Variants in VPS41 observed in about 807,000 individuals in gnomAD.
VPS41 encodes the protein VPS41 subunit of HOPS complex.
A neutral mutation model predicts 130.9 loss-of-function variants in VPS41; 85 were observed. The observed-to-expected ratio is 0.65, with a 90% CI of 0.55 to 0.78. The LOEUF is 0.78. VPS41 is among the 30% of genes least tolerant of loss of function. The pLI, the probability that VPS41 is intolerant of heterozygous loss-of-function variation, is 0.00. For synonymous variants in VPS41, 335 were observed against 332.9 expected (o/e 1.01, Z -0.07); for missense variants, 874 against 1,018.7 (o/e 0.86, Z 1.93).
rs754268846 is a variant in VPS41 at position 38,796,729 on chromosome 7, G to C, written c.570+16C>G. ...CCACTGAACAAGCATTAGGAAGACA[G>C]AGGCATATTTTTTACCATATTATTG... On this transcript the variant is annotated intron_variant, in intron 8 of 28. Transcript: ENST00000310301. The C allele has an allele frequency of 1.2e-6, 2 of 1,613,488 alleles. No homozygotes were observed. The highest frequency in any genetic ancestry group is 1.7e-6 in the Non-Finnish European group (2 of 1,179,610).
intron 4 of VPS41, among the ~76,000 whole-genome samples, chr7:38,847,307 C>G (rs1395467724): frequency 2.6e-5 from 4 of 151,394 alleles, no homozygotes; most frequent in African/African-American, 9.7e-5. Flanking sequence ...AAAAAAAATA[C>G]AGCATCCTCT....
At chr7:38,784,313 C>T (rs1020984055) in intron 10 of VPS41, among the ~76,000 whole-genome samples, 1 of 152,078 alleles carries the variant, frequency 6.6e-6, no homozygotes, top group Non-Finnish European at 1.5e-5. Context: ...ATCTGAAGTC[C>T]TATTTTTCCC....
intron 3 of VPS41, among the ~76,000 whole-genome samples, chr7:38,867,280 T>C (rs1300854088): frequency 6.6e-6 from 1 of 151,818 alleles, no homozygotes; most frequent in African/African-American, 2.4e-5. Context: ...GTGTGGTGGC[T>C]CACGCCTGTA....
At chr7:38,885,640 C>T (rs1416737091) in intron 2 of VPS41, among the ~76,000 whole-genome samples, 3 of 152,084 alleles carry the variant, frequency 2.0e-5, no homozygotes, top group Non-Finnish European at 4.4e-5. Context: ...ACATAAAGGA[C>T]TCAGCATAAC....
Position 38,830,301 on chromosome 7 carries a change from A to C in VPS41, c.274T>G (p.Leu92Val). Reference protein sequence around the residue: ...VSPVKINQISLDESGEHMGVC... With the variant: ...VSPVKINQISVDESGEHMGVC... ...CCCATGTGCTCTCCACTTTCATCCA[A>C]GCTAATCTGATTTATCTTCACAGGA... Residue 92 changes from leucine (L) to valine (V), a missense_variant, in exon 5 of 29, where the codon TTG (leucine) becomes GTG (valine). By Grantham distance (32) the Leu-to-Val change is conservative. Transcript: ENST00000310301. 6.2e-7 allele frequency: 1 copy of C among 1,612,846 alleles called. No individual in the cohort carries two copies. Among genetic ancestry groups the C allele is most frequent in the East Asian group, 2.2e-5 (1 of 44,882 alleles).
intron 4 of VPS41, among the ~76,000 whole-genome samples, chr7:38,838,359 G>A (rs1485593183): frequency 6.6e-6 from 1 of 152,110 alleles, no homozygotes; most frequent in Non-Finnish European, 1.5e-5. Context: ...TACCATAACA[G>A]CAATGAGCAG....
intron 4 of VPS41, among the ~76,000 whole-genome samples, chr7:38,831,030 C>A (rs767306125): frequency 2.0e-4 from 30 of 152,190 alleles, no homozygotes; most frequent in Non-Finnish European, 3.5e-4. Context: ...TGGGAAAGCA[C>A]CTAGGCCAGC....
intron 5 of VPS41, among the ~76,000 whole-genome samples, chr7:38,824,800 T>C (rs567141883): frequency 2.0e-5 from 3 of 152,274 alleles, no homozygotes; most frequent in South Asian, 2.1e-4. Flanking sequence ...TTCTGCCTTA[T>C]AGATGGAATA....
At chr7:38,895,557 C>A (rs10280140) in intron 2 of VPS41, among the ~76,000 whole-genome samples, 1 of 151,952 alleles carries the variant, frequency 6.6e-6, no homozygotes, top group Non-Finnish European at 1.5e-5. Context: ...CAGTAACAGA[C>A]GTTACCAGGG....
Position 38,796,812 on chromosome 7 carries a change from T to C in VPS41, c.503A>G (p.His168Arg). 1 of 1,614,018 alleles carries C rather than the reference T, an allele frequency of 6.2e-7. No individual in the cohort carries two copies. The highest frequency in any genetic ancestry group is 8.5e-7 in the Non-Finnish European group (1 of 1,179,902). Residue 168 changes from histidine (H) to arginine (R), a missense_variant, in exon 8 of 29, where the codon CAT becomes CGT. Physicochemically the swap from His to Arg is conservative, Grantham distance 29. Coordinates refer to ENST00000310301, the MANE Select transcript of VPS41 (RefSeq NM_014396.4). Reference sequence around the variant, plus strand: ...ACTCCTTATGTTCCCTTCCCCTTCATGCAGAACAGCAGACTTCCATCTGTT... The same window carrying C: ...ACTCCTTATGTTCCCTTCCCCTTCACGCAGAACAGCAGACTTCCATCTGTT... ...WMNRWKSAVL[H>R]EGEGNIRSVK...
At chr7:38,836,137 T>C (rs1785486833) in intron 4 of VPS41, among the ~76,000 whole-genome samples, 1 of 152,084 alleles carries the variant, frequency 6.6e-6, no homozygotes, top group Admixed American at 6.5e-5. Flanking sequence ...AGTTACATTA[T>C]TTTATAGTTT....
intron 10 of VPS41, among the ~76,000 whole-genome samples, chr7:38,785,332 C>A (rs1155507): frequency 0.72 from 108,856 of 152,172 alleles, 40,610 homozygotes; most frequent in African/African-American, 0.91. Context: ...AGAAGATCTG[C>A]TACATGAAGT....
At chr7:38,892,208 A>C (rs1461581897) in intron 2 of VPS41, among the ~76,000 whole-genome samples, 3 of 152,092 alleles carry the variant, frequency 2.0e-5, no homozygotes, top group African/African-American at 7.2e-5. Context: ...ATAGAAGAAG[A>C]GTTTGGCCTA....
intron 22 of VPS41, among the ~76,000 whole-genome samples, chr7:38,747,691 T>C (rs536752285): frequency 3.3e-5 from 5 of 152,350 alleles, no homozygotes; most frequent in Admixed American, 6.5e-5. Context: ...TCTATTTAAG[T>C]TTAAATTGAT....
chr7:38,870,035 C>T (rs1360144369), intron 2 of VPS41, among the ~76,000 whole-genome samples: 1 of 152,188 alleles, frequency 6.6e-6, no homozygotes, highest in Admixed American at 6.5e-5. Flanking sequence ...ATTCTACAGC[C>T]ACTTTCTTCC....
In VPS41 at chr7:38,795,623, T is replaced by C; in HGVS notation, c.571-12A>G. ...AAAATCTTCACACCCTGGAAAATAA[T>C]ACAGCAGTAAGCATCCTCTACTCAG... On this transcript the variant is annotated splice_polypyrimidine_tract_variant and intron_variant, in intron 8 of 28. Coordinates refer to ENST00000310301, the MANE Select transcript of VPS41 (RefSeq NM_014396.4). 1.2e-6 allele frequency: 2 copies of C among 1,608,948 alleles called. No individual in the cohort carries two copies. The highest frequency in any genetic ancestry group is 1.7e-6 in the Non-Finnish European group (2 of 1,177,274).
intron 4 of VPS41, among the ~76,000 whole-genome samples, chr7:38,854,014 G>C (rs994874546): frequency 2.0e-4 from 30 of 152,164 alleles, no homozygotes; most frequent in African/African-American, 7.0e-4. Flanking sequence ...ACAAACTTGA[G>C]ATTATTTTTT....
At chr7:38,769,390 G>A (rs1012976) in intron 14 of VPS41, among the ~76,000 whole-genome samples, 141,330 of 152,296 alleles carry the variant, frequency 0.93, 65,734 homozygotes, top group East Asian at 0.99. Flanking sequence ...CATAAAGCAA[G>A]CTAAGAGTAT....
intron 2 of VPS41, among the ~76,000 whole-genome samples, chr7:38,875,647 T>C (rs1168271242): frequency 6.6e-6 from 1 of 152,188 alleles, no homozygotes; most frequent in Non-Finnish European, 1.5e-5. Flanking sequence ...CTGGTTTCCA[T>C]TAATAACACA....
Sources: allele counts gnomAD v4.1 joint callset (sites outside exome capture counted in the v4.1 genomes callset), GRCh38; gene constraint gnomAD v4.1.1; transcripts MANE v1.5; gene names NCBI Gene and HGNC (gene_info 2026-07-23, HGNC 2026-07-21).